SFMBT2: variants seen among roughly 807,000 people sequenced by gnomAD.
SFMBT2 encodes Scm like with four mbt domains 2, also known as scm-like with four MBT domains protein 2.
SFMBT2 carries 38 observed loss-of-function variants against 110.1 expected under a neutral mutation model. The ratio of observed to expected loss-of-function variants is 0.35; its 90% confidence interval spans 0.27 to 0.45. SFMBT2 has a LOEUF of 0.45. SFMBT2 is among the 20% of genes least tolerant of loss of function. The probability of loss-of-function intolerance (pLI) is 1.00; values close to 1 mark genes in which losing one functional copy is unlikely to be tolerated. For missense variants in SFMBT2, 1,011 were observed against 1,094.9 expected (o/e 0.92, Z 1.08); for synonymous variants, 425 against 425.4 (o/e 1.00, Z 0.01).
At chr10:7,328,898 C>A (rs1843475834) in intron 4 of SFMBT2, among the ~76,000 whole-genome samples, 1 of 152,208 alleles carries the variant, frequency 6.6e-6, no homozygotes, top group Non-Finnish European at 1.5e-5. Context: ...TATACAGGAG[C>A]AGAAGGCTGC....
At position 7,171,947 on chromosome 10, in the gene SFMBT2, G is replaced by A. The variant is rs929702871; in HGVS notation, c.2363C>T (p.Ser788Phe). Residue 788 changes from serine to phenylalanine, a missense_variant, in exon 19 of 21, where the codon TCC (serine) becomes TTC (phenylalanine). Around this residue, in one of 2 missense-constraint regions of SFMBT2, gnomAD observed 979 missense variants for 1,016.1 expected, o/e 0.96. Transcript: ENST00000397167. This position sits in a 1 kb window ranked among gnomAD's most constrained non-coding sequence, Gnocchi z 4.9. ...TRRGRGAPAA[S>F]SAEEGEKCPP... ...GCACTTCTCCCCTTCCTCTGCTGAG[G>A]AGGCAGCCGGCGCCCCGCGGCCCCT... 3.4e-6 allele frequency: 5 copies of A among 1,468,302 alleles called. No homozygotes were observed. Among genetic ancestry groups the A allele is most frequent in the African/African-American group, 1.4e-5 (1 of 69,932 alleles). The allele number at this position is 1,468,302 out of a possible 1,614,324, so 91.0% of individuals were successfully genotyped here.
rs551407553 is a variant in SFMBT2 at position 7,255,266 on chromosome 10, CTG to C, written c.871-6619_871-6618del. Among the ~76,000 whole-genome samples, 1,417 of 152,320 alleles carry C rather than the reference CTG, an allele frequency of 9.3e-3. 13 individuals are homozygous for C. The highest frequency in any genetic ancestry group is 0.02 in the Middle Eastern group (6 of 294). Reference sequence around the variant, plus strand: ...GTACTAAGAGATAATGGAAAATTCACTGTCATTTGAAAGAGACATTCTTGGCC... The same window carrying C: ...GTACTAAGAGATAATGGAAAATTCACTCATTTGAAAGAGACATTCTTGGCC... On this transcript the variant is annotated intron_variant, in intron 7 of 20. Transcript: ENST00000397167.
chr10:7,224,040 T>C (rs1839828958), intron 10 of SFMBT2, among the ~76,000 whole-genome samples: 1 of 152,214 alleles, frequency 6.6e-6, no homozygotes, highest in Non-Finnish European at 1.5e-5. Flanking sequence ...GATTATCTTT[T>C]CTATTGATAA....
intron 4 of SFMBT2, among the ~76,000 whole-genome samples, chr10:7,308,898 T>C (rs546143080): frequency 6.6e-6 from 1 of 151,984 alleles, no homozygotes; most frequent in Admixed American, 6.5e-5. Flanking sequence ...TACAGACCAG[T>C]AGAAAGAAGA....
chr10:7,273,199 T>G (rs1047254611), intron 7 of SFMBT2, among the ~76,000 whole-genome samples: 2 of 152,234 alleles, frequency 1.3e-5, no homozygotes, highest in African/African-American at 4.8e-5. Flanking sequence ...TTAGCCACTT[T>G]TAGTGAGAAG....
In SFMBT2 at chr10:7,176,049, G is replaced by A. The variant is rs770902493; in HGVS notation, c.1925C>T (p.Pro642Leu). ...KLECCPNLFS[P>L]VLISENCPEN... is the part of the protein sequence containing the mutation. ...TGGGCAGTTTTCAGATATCAGCACA[G>A]GACTAAACAAATTTGGACAGCACTC... The change falls in exon 17 of 21, where the codon CCT becomes CTT. Residue 642 changes from proline to leucine, a missense_variant. Pro to Leu is a moderately conservative substitution (Grantham distance 98). Coordinates refer to ENST00000397167, the MANE Select transcript of SFMBT2 (RefSeq NM_001387889.1). 2.4e-5 allele frequency: 39 copies of A among 1,614,146 alleles called. No homozygotes were observed. The highest frequency in any genetic ancestry group is 3.1e-5 in the Non-Finnish European group (36 of 1,180,030).
intron 1 of SFMBT2, among the ~76,000 whole-genome samples, chr10:7,390,088 T>C (rs1171046864): frequency 2.0e-5 from 3 of 152,162 alleles, no homozygotes; most frequent in African/African-American, 7.2e-5. Flanking sequence ...GCCTGATCTA[T>C]ATCTGCTTGG....
chr10:7,217,640 C>T (rs1386267506), intron 11 of SFMBT2, among the ~76,000 whole-genome samples: 1 of 152,046 alleles, frequency 6.6e-6, no homozygotes, highest in Admixed American at 6.5e-5. Context: ...GTATTTGTCC[C>T]ATAAAAAAAG....
chr10:7,259,939 T>A (rs1032042954), intron 7 of SFMBT2, among the ~76,000 whole-genome samples: 3 of 152,244 alleles, frequency 2.0e-5, no homozygotes, highest in Non-Finnish European at 4.4e-5. Context: ...CTGGTGCTGC[T>A]GTTACCCTCC....
intron 4 of SFMBT2, among the ~76,000 whole-genome samples, chr10:7,365,827 GA>G (rs1336286148): frequency 6.6e-6 from 1 of 152,210 alleles, no homozygotes; most frequent in Non-Finnish European, 1.5e-5. Flanking sequence ...GTTTTCCGGG[GA>G]GGGGGAGAAT....
At chr10:7,282,544 G>C (rs12241346) in intron 6 of SFMBT2, among the ~76,000 whole-genome samples, 7 of 152,336 alleles carry the variant, frequency 4.6e-5, no homozygotes, top group African/African-American at 1.7e-4. Context: ...CAGGCTCTTT[G>C]TTTGTCATCA....
At chr10:7,393,315 G>A (rs1845833896) in intron 1 of SFMBT2, among the ~76,000 whole-genome samples, 2 of 152,036 alleles carry the variant, frequency 1.3e-5, no homozygotes, top group South Asian at 2.1e-4. Flanking sequence ...ACAGACATGA[G>A]TCACCATGCC....
intron 6 of SFMBT2, among the ~76,000 whole-genome samples, chr10:7,278,143 G>C (rs1319098725): frequency 6.6e-6 from 1 of 152,180 alleles, no homozygotes; most frequent in Non-Finnish European, 1.5e-5. Context: ...AGTGTTTCCT[G>C]TCTGCTGAAC....
chr10:7,290,067 C>A (rs1367375064), intron 4 of SFMBT2, among the ~76,000 whole-genome samples: 1 of 152,180 alleles, frequency 6.6e-6, no homozygotes, highest in East Asian at 1.9e-4. Flanking sequence ...CCAATCCACA[C>A]ATGAAACATC....
At chr10:7,186,410 C>T (rs1253384241) in intron 16 of SFMBT2, among the ~76,000 whole-genome samples, 1 of 146,002 alleles carries the variant, frequency 6.8e-6, no homozygotes, top group African/African-American at 2.6e-5. Flanking sequence ...TATACACATA[C>T]ATACATACTA....
At chr10:7,388,326 G>GGATGATGAT (rs113666945) in intron 1 of SFMBT2, among the ~76,000 whole-genome samples, 140 of 146,174 alleles carry the variant, frequency 9.6e-4, no homozygotes, top group African/African-American at 2.4e-3. Flanking sequence ...AAACAAAGAA[G>GGATGATGAT]GATGATGATG....
chr10:7,409,944 C>A (rs536749612), intron 1 of SFMBT2, among the ~76,000 whole-genome samples: 1 of 151,764 alleles, frequency 6.6e-6, no homozygotes, highest in African/African-American at 2.4e-5. Context: ...CCTCCAGGAT[C>A]CCCCAGCTCC....
chr10:7,232,406 C>T (rs1412087845), intron 9 of SFMBT2, among the ~76,000 whole-genome samples: 2 of 152,038 alleles, frequency 1.3e-5, no homozygotes, highest in African/African-American at 4.8e-5. Context: ...CATGAAGACA[C>T]TTACGGCATT....
intron 5 of SFMBT2, chr10:7,284,402 T>C: frequency 1.6e-6 from 2 of 1,217,072 alleles, no homozygotes; most frequent in Non-Finnish European, 2.0e-6. Context: ...TAACAGTTTG[T>C]GCTAAGTTCT....
Sources: gnomAD v4.1 joint callset for allele counts (sites outside exome capture counted in the v4.1 genomes callset) on GRCh38, gnomAD v4.1.1 for gene constraint, gnomAD v4.1.1 regional missense constraint, Gnocchi (gnomAD v3.1) non-coding constraint, MANE v1.5 for transcripts, NCBI Gene and HGNC (gene_info 2026-07-23, HGNC 2026-07-21) for gene names.